Variants in FGGY observed in about 807,000 individuals in gnomAD.
FGGY encodes the protein FGGY carbohydrate kinase domain-containing protein.
A neutral mutation model predicts 71.3 loss-of-function variants in FGGY; 72 were observed. The observed-to-expected ratio is 1.01, with a 90% confidence interval of 0.84 to 1.23. The LOEUF is 1.23. Among genes scored for constraint, FGGY ranks in the 50% most tolerant of loss-of-function variants. The pLI is 0.00. For synonymous variants in FGGY, 251 were observed against 250.3 expected (o/e 1.00, Z -0.02); for missense variants, 668 against 682.3 (o/e 0.98, Z 0.23).
intron 5 of FGGY, 31 bp downstream of exon 5, chr1:59,378,868 C>A: frequency 6.4e-7 from 1 of 1,558,082 alleles, no homozygotes; most frequent in Non-Finnish European, 8.8e-7. Context: ...ATTGTGTTTG[C>A]GTTCTTCCAT....
At chr1:59,586,838 T>G (rs181601682) in intron 8 of FGGY, among the ~76,000 whole-genome samples, 4 of 152,268 alleles carry the variant, frequency 2.6e-5, no homozygotes, top group Admixed American at 2.6e-4. Context: ...TAGGAACAGC[T>G]CTGGTCTACA....
At chr1:59,552,083 G>A (rs192394493) in intron 7 of FGGY, among the ~76,000 whole-genome samples, 95 of 152,302 alleles carry the variant, frequency 6.2e-4, no homozygotes, top group African/African-American at 2.2e-3. Context: ...TCCCCAGGCT[G>A]GAGGGACTAA....
At chr1:59,338,307 G>T (rs1051602889) in intron 2 of FGGY, among the ~76,000 whole-genome samples, 1 of 152,064 alleles carries the variant, frequency 6.6e-6, no homozygotes, top group Admixed American at 6.5e-5. Context: ...CTTTTCTTAT[G>T]TATTTGCTTG....
chr1:59,640,759 C>T (rs1323415460), intron 11 of FGGY, among the ~76,000 whole-genome samples: 1 of 150,958 alleles, frequency 6.6e-6, no homozygotes, highest in Non-Finnish European at 1.5e-5. Flanking sequence ...CTGACACTGA[C>T]TATCCATATC....
At chr1:59,602,055 T>G (rs991352880) in intron 8 of FGGY, among the ~76,000 whole-genome samples, 4 of 152,232 alleles carry the variant, frequency 2.6e-5, no homozygotes, top group Admixed American at 2.6e-4. Flanking sequence ...TGAAGAGTTC[T>G]GATTGACCAG....
chr1:59,731,456 G>A (rs909922417), intron 14 of FGGY, among the ~76,000 whole-genome samples: 6 of 152,246 alleles, frequency 3.9e-5, no homozygotes, highest in South Asian at 4.2e-4. Flanking sequence ...GGAAGCTGAC[G>A]CCATGAGTCC....
chr1:59,660,717 G>A (rs1053114175), intron 12 of FGGY, among the ~76,000 whole-genome samples: 1 of 152,178 alleles, frequency 6.6e-6, no homozygotes, highest in South Asian at 2.1e-4. Context: ...GAACATGAAA[G>A]TGTTTGTTTT....
intron 7 of FGGY, among the ~76,000 whole-genome samples, chr1:59,539,881 T>C (rs1454306173): frequency 6.6e-6 from 1 of 152,202 alleles, no homozygotes; most frequent in African/African-American, 2.4e-5. Flanking sequence ...ATGTAAAGAA[T>C]GTCTACACAT....
intron 14 of FGGY, among the ~76,000 whole-genome samples, chr1:59,717,352 A>G (rs990315892): frequency 2.6e-5 from 4 of 152,140 alleles, no homozygotes; most frequent in African/African-American, 9.7e-5. Flanking sequence ...ACTCAGATGG[A>G]AAGTGCCATG....
In FGGY at chr1:59,674,041, A is replaced by G. The variant is rs775759257; in HGVS notation, c.1420A>G (p.Met474Val). The change falls in exon 14 of 16, where the codon ATG becomes GTG. Residue 474 changes from methionine to valine, a missense_variant and splice_region_variant. Coordinates refer to ENST00000303721, the MANE Select transcript of FGGY (RefSeq NM_018291.5). Reference sequence around the variant, plus strand: ...AGGTGTGGCCTTGTCCTGCGCAGGCATGCCTGTGGTCCTGTCGCAAGAGGT... The same window carrying G: ...AGGTGTGGCCTTGTCCTGCGCAGGCGTGCCTGTGGTCCTGTCGCAAGAGGT... Reference protein sequence around the residue: ...FVQMHADITGMPVVLSQEVES... With the variant: ...FVQMHADITGVPVVLSQEVES... 2.5e-6 allele frequency: 4 copies of G among 1,613,292 alleles called. No homozygotes were observed. The East Asian group carries it at 6.7e-5, about 27-fold the overall frequency.
chr1:59,396,800 A>G (rs1022988694), intron 5 of FGGY, among the ~76,000 whole-genome samples: 4 of 152,218 alleles, frequency 2.6e-5, no homozygotes, highest in African/African-American at 7.2e-5. Flanking sequence ...ATGGAGATGC[A>G]TGATGAGCAC....
intron 8 of FGGY, among the ~76,000 whole-genome samples, chr1:59,573,663 A>T (rs549447995): frequency 6.6e-6 from 1 of 152,344 alleles, no homozygotes; most frequent in African/African-American, 2.4e-5. Context: ...GGAAGTAGTC[A>T]TGTGAAGGCC....
intron 6 of FGGY, among the ~76,000 whole-genome samples, chr1:59,465,307 A>G (rs1051398025): frequency 6.6e-6 from 1 of 152,246 alleles, no homozygotes; most frequent in Admixed American, 6.5e-5. Context: ...AAAATTTAAC[A>G]GTACATAATG....
intron 5 of FGGY, among the ~76,000 whole-genome samples, chr1:59,408,489 A>G (rs2063099082): frequency 6.6e-6 from 1 of 152,180 alleles, no homozygotes; most frequent in African/African-American, 2.4e-5. Flanking sequence ...GGCTTATCTT[A>G]GCTATTCTTA....
At chr1:59,330,115 A>G (rs12561880) in intron 2 of FGGY, among the ~76,000 whole-genome samples, 16,530 of 152,236 alleles carry the variant, frequency 0.11, 923 homozygotes, top group Middle Eastern at 0.12. Context: ...TTTTGTTATC[A>G]AATAATAAAA....
intron 14 of FGGY, among the ~76,000 whole-genome samples, chr1:59,737,770 C>G (rs1311737173): frequency 6.6e-6 from 1 of 152,090 alleles, no homozygotes; most frequent in Admixed American, 6.6e-5. Flanking sequence ...GAGTTAATGC[C>G]AAAACGAGTT....
intron 4 of FGGY, among the ~76,000 whole-genome samples, chr1:59,356,317 C>T (rs2153227278): frequency 6.6e-6 from 1 of 152,264 alleles, no homozygotes; most frequent in South Asian, 2.1e-4. Flanking sequence ...GATTCCATGC[C>T]TGTATTCTCT....
intron 3 of FGGY, among the ~76,000 whole-genome samples, chr1:59,344,969 A>C (rs2051507858): frequency 6.6e-6 from 1 of 152,136 alleles, no homozygotes. Context: ...TTATTCATTT[A>C]AGAATTGATT....
chr1:59,395,686 T>G (rs1173191733), intron 5 of FGGY, among the ~76,000 whole-genome samples: 1 of 152,190 alleles, frequency 6.6e-6, no homozygotes, highest in Non-Finnish European at 1.5e-5. Flanking sequence ...CATTAACCCC[T>G]TCAGTCCTCC....
Sources: allele counts gnomAD v4.1 joint callset (sites outside exome capture counted in the v4.1 genomes callset), GRCh38; gene constraint gnomAD v4.1.1; transcripts MANE v1.5; gene names NCBI Gene and HGNC (gene_info 2026-07-23, HGNC 2026-07-21).